GABRA1: variants seen among roughly 807,000 people sequenced by gnomAD.
The protein encoded by GABRA1 is gamma-aminobutyric acid receptor subunit alpha-1.
A neutral mutation model predicts 48.9 loss-of-function variants in GABRA1; 9 were observed. The observed-to-expected ratio is 0.18, with a 90% confidence interval of 0.11 to 0.32. The LOEUF (loss-of-function observed/expected upper bound fraction) is 0.32, where lower values mean the gene tolerates loss of function less well. Ranked by LOEUF, GABRA1 falls within the 10% of genes least tolerant of loss-of-function variation. The pLI is 1.00. For synonymous variants in GABRA1, 210 were observed against 198.7 expected (o/e 1.06, Z -0.48); for missense variants, 285 against 553.8 (o/e 0.51, Z 4.87).
chr5:161,889,171 T>C (rs369338635), intron 7 of GABRA1, among the ~76,000 whole-genome samples: 2 of 152,082 alleles, frequency 1.3e-5, no homozygotes, highest in East Asian at 3.8e-4. Flanking sequence ...GTAGATAATT[T>C]CCTGCTACAG....
At chr5:161,868,028 G>T (rs1402447578) in intron 4 of GABRA1, among the ~76,000 whole-genome samples, 1 of 150,700 alleles carries the variant, frequency 6.6e-6, no homozygotes, top group Non-Finnish European at 1.5e-5. Context: ...TTGGTGATAG[G>T]TTTAGGAGCC....
chr5:161,855,509 T>C (rs182422118), intron 3 of GABRA1, among the ~76,000 whole-genome samples: 24 of 151,596 alleles, frequency 1.6e-4, no homozygotes, highest in Admixed American at 1.1e-3. Context: ...AGGTTTAGAC[T>C]TCACCAAGTT....
chr5:161,872,568 A>G (rs1406320868), intron 4 of GABRA1, among the ~76,000 whole-genome samples: 1 of 152,174 alleles, frequency 6.6e-6, no homozygotes, highest in Non-Finnish European at 1.5e-5. Flanking sequence ...TTGAAAGTCT[A>G]TATACATTAT....
In GABRA1 at chr5:161,899,840, C is replaced by T. The variant is rs1027207430; in HGVS notation, c.*2418C>T. 1 of 152,120 alleles carries T rather than the reference C, an allele frequency of 6.6e-6. No homozygotes were observed. The highest frequency in any genetic ancestry group is 1.5e-5 in the Non-Finnish European group (1 of 68,000). The allele number at this position is 152,120 out of a possible 1,614,324, so 9.4% of individuals were successfully genotyped here. A position where few individuals can be genotyped will look rare whatever the true frequency, so the allele number is the denominator to read the frequency against. On this transcript the variant is annotated 3_prime_UTR_variant, in exon 10 of 10. Transcript: ENST00000393943. Reference sequence around the variant, plus strand: ...AGTGGCAATAAAACCTAACATGAATCAAGGTTGTTTATGGCAGATGCATGT... The same window carrying T: ...AGTGGCAATAAAACCTAACATGAATTAAGGTTGTTTATGGCAGATGCATGT...
Position 161,897,477 on chromosome 5 carries a change from T to A in GABRA1, c.*55T>A, listed in dbSNP as rs560848217. On this transcript the variant is annotated 3_prime_UTR_variant, in exon 10 of 10. Coordinates refer to ENST00000393943, the MANE Select transcript of GABRA1 (RefSeq NM_001127644.2). ...CTCTGCACTGGGAATTTATTTATGT[T>A]CTCAACGCAGTAATTCCCATCTGCT... 4 of 1,460,020 alleles carry A rather than the reference T, an allele frequency of 2.7e-6. No individual in the cohort carries two copies. The highest frequency in any genetic ancestry group is 3.8e-6 in the Non-Finnish European group (4 of 1,042,684). 90.4% of individuals were successfully genotyped at this position (1,460,020 alleles called of 1,614,324 possible).
chr5:161,867,234 A>G (rs939852276), intron 4 of GABRA1, among the ~76,000 whole-genome samples: 2 of 152,042 alleles, frequency 1.3e-5, no homozygotes, highest in African/African-American at 4.8e-5. Flanking sequence ...TCATGTTGGA[A>G]CTCAGTCTTC....
At chr5:161,851,400 A>G (rs78780623) in intron 2 of GABRA1, among the ~76,000 whole-genome samples, 11,278 of 152,208 alleles carry the variant, frequency 0.074, 475 homozygotes, top group South Asian at 0.12. Context: ...AAAGTGGACT[A>G]TATGAGACAA....
chr5:161,847,210 G>C (rs190043578), upstream of GABRA1: 318 of 150,550 alleles, frequency 2.1e-3, 2 homozygotes, highest in Non-Finnish European at 3.3e-3. Flanking sequence ...TGCCGGAGAA[G>C]GGGGGGGAAA....
chr5:161,853,116 A>T (rs1757514059), intron 2 of GABRA1, among the ~76,000 whole-genome samples: 1 of 151,872 alleles, frequency 6.6e-6, no homozygotes, highest in Non-Finnish European at 1.5e-5. Context: ...AGTAAATGTG[A>T]TCCATCCTAA....
At chr5:161,850,569 T>C in intron 1 of GABRA1, 1 of 587,464 alleles carries the variant, frequency 1.7e-6, no homozygotes. Flanking sequence ...CAGCTTGTAT[T>C]CTTTTACAGG....
At chr5:161,892,926 C>A (rs1196236183) in intron 8 of GABRA1, among the ~76,000 whole-genome samples, 1 of 151,198 alleles carries the variant, frequency 6.6e-6, no homozygotes, top group Admixed American at 6.6e-5. Flanking sequence ...ATGGCTTGAA[C>A]CCTGGAGGTG....
At position 161,877,566 on chromosome 5, in the gene GABRA1, C is replaced by T. The variant is rs1459134552; in HGVS notation, c.559+1924C>T. Among the ~76,000 whole-genome samples, 3 of 151,978 alleles carry T rather than the reference C, an allele frequency of 2.0e-5. No individual in the cohort carries two copies. The East Asian group carries it at 5.8e-4, about 29-fold the overall frequency. ...AAAAATGAAAGGAGTAATGCCTATACGAAAAAGATAAAAGCTTTCCCTAAA... is the reference window on the plus strand; with the variant it reads ...AAAAATGAAAGGAGTAATGCCTATATGAAAAAGATAAAAGCTTTCCCTAAA... On this transcript the variant is annotated intron_variant, in intron 6 of 9. Coordinates refer to ENST00000393943, the MANE Select transcript of GABRA1 (RefSeq NM_001127644.2).
chr5:161,871,519 A>G (rs1387522840), intron 4 of GABRA1, among the ~76,000 whole-genome samples: 3 of 152,196 alleles, frequency 2.0e-5, no homozygotes. Context: ...CCTGACAGGC[A>G]TTGGCACATT....
At chr5:161,894,419 T>C (rs1304499869) in intron 8 of GABRA1, among the ~76,000 whole-genome samples, 1 of 152,112 alleles carries the variant, frequency 6.6e-6, no homozygotes, top group Non-Finnish European at 1.5e-5. Flanking sequence ...ATGATAGTCT[T>C]TTGAGTGAGT....
chr5:161,876,747 T>G (rs929180747), intron 6 of GABRA1, among the ~76,000 whole-genome samples: 1 of 152,196 alleles, frequency 6.6e-6, no homozygotes, highest in Non-Finnish European at 1.5e-5. Flanking sequence ...TATGAACGAT[T>G]ATGTTTTCTC....
chr5:161,865,710 T>C lies in GABRA1; in HGVS notation c.188-11T>C. ...ACAGACACTCACTCGCCCAATTTCC[T>C]GCTTCAACAGAGCGTGTAACCGAAG... On this transcript the variant is annotated splice_polypyrimidine_tract_variant and intron_variant, in intron 3 of 9. Coordinates refer to ENST00000393943, the MANE Select transcript of GABRA1 (RefSeq NM_001127644.2). The C allele has an allele frequency of 6.2e-7, 1 of 1,612,334 alleles. No individual in the cohort carries two copies. Among genetic ancestry groups the C allele is most frequent in the Non-Finnish European group, 8.5e-7 (1 of 1,178,594 alleles).
intron 3 of GABRA1, among the ~76,000 whole-genome samples, chr5:161,856,361 C>T (rs1436533123): frequency 6.6e-6 from 1 of 151,298 alleles, no homozygotes; most frequent in Non-Finnish European, 1.5e-5. Context: ...ATTTAAAGAG[C>T]AGAAATAGTA....
rs139145290 is a variant in GABRA1 at position 161,862,657 on chromosome 5, A to G, written c.188-3064A>G. On this transcript the variant is annotated intron_variant, in intron 3 of 9. Transcript: ENST00000393943. ...TGGTTTGCTACAGAGGAACAGAAGC[A>G]TTTACAGTTTTACTCATCATTGTAT... Among the ~76,000 whole-genome samples, 795 of 152,096 alleles carry G rather than the reference A, an allele frequency of 5.2e-3. 3 individuals carry two copies. The highest frequency in any genetic ancestry group is 8.0e-3 in the Non-Finnish European group (544 of 67,934).
intron 6 of GABRA1, among the ~76,000 whole-genome samples, chr5:161,878,152 A>G (rs1403748430): frequency 6.6e-6 from 1 of 152,212 alleles, no homozygotes; most frequent in Non-Finnish European, 1.5e-5. Context: ...GAATGGATAA[A>G]GGTTACAAGA....
Sources: allele counts gnomAD v4.1 joint callset (sites outside exome capture counted in the v4.1 genomes callset), GRCh38; gene constraint gnomAD v4.1.1; transcripts MANE v1.5; gene names NCBI Gene and HGNC (gene_info 2026-07-23, HGNC 2026-07-21).